The following TTLL5 variants were observed in gnomAD, a reference collection of about 807,000 sequenced individuals.
TTLL5 encodes tubulin polyglutamylase TTLL5.
TTLL5 carries 132 observed loss-of-function variants against 168.4 expected under a neutral mutation model. That is an observed-to-expected ratio of 0.78 (90% confidence interval 0.68 to 0.91). The LOEUF (loss-of-function observed/expected upper bound fraction) is 0.91, where lower values mean the gene tolerates loss of function less well. Among genes scored for constraint, TTLL5 ranks in the 40% least tolerant of loss-of-function variants. The pLI is 0.00. For missense variants in TTLL5, 1,545 were observed against 1,581.5 expected (o/e 0.98, Z 0.39); for synonymous variants, 546 against 558.6 (o/e 0.98, Z 0.32).
chr14:75,696,931 T>G (rs1255743244), intron 6 of TTLL5, among the ~76,000 whole-genome samples: 2 of 152,244 alleles, frequency 1.3e-5, no homozygotes, highest in East Asian at 1.9e-4. Context: ...CTGCTTAATA[T>G]TCCATTGTGT....
intron 19 of TTLL5, among the ~76,000 whole-genome samples, chr14:75,765,087 G>A (rs915743480): frequency 2.0e-5 from 3 of 152,138 alleles, no homozygotes; most frequent in Admixed American, 6.5e-5. Context: ...TTACTGTTCA[G>A]GTTTTTTATA....
At chr14:75,924,338 G>T (rs1420711674) in intron 31 of TTLL5, among the ~76,000 whole-genome samples, 1 of 151,250 alleles carries the variant, frequency 6.6e-6, no homozygotes, top group Non-Finnish European at 1.5e-5. Flanking sequence ...CAGAGGGGGA[G>T]TTGGCAGGGT....
chr14:75,822,191 T>C (rs1171725930), intron 28 of TTLL5, among the ~76,000 whole-genome samples: 1 of 152,220 alleles, frequency 6.6e-6, no homozygotes, highest in Non-Finnish European at 1.5e-5. Flanking sequence ...AGTCACTGTT[T>C]TGTGGATATT....
chr14:75,694,538 T>A (rs1261590356), intron 6 of TTLL5, among the ~76,000 whole-genome samples: 3 of 152,178 alleles, frequency 2.0e-5, no homozygotes, highest in Non-Finnish European at 4.4e-5. Flanking sequence ...TTCACCATGT[T>A]GGCCAGGCTA....
chr14:75,863,548 T>A (rs368468131), intron 28 of TTLL5, 119 bp from the exon 29 acceptor site: 1 of 971,260 alleles, frequency 1.0e-6, no homozygotes. Context: ...CAAGTAGATT[T>A]GTAATTCCAA....
intron 30 of TTLL5, among the ~76,000 whole-genome samples, chr14:75,893,922 A>G (rs1431625436): frequency 6.6e-6 from 1 of 152,044 alleles, no homozygotes; most frequent in Non-Finnish European, 1.5e-5. Context: ...AAGACTGTAT[A>G]GAGATAGAAG....
In TTLL5 at chr14:75,743,575, CTTTTTTTTTTT is replaced by C. The variant is rs33959405; in HGVS notation, c.1282-1506_1282-1496del. Among the ~76,000 whole-genome samples the C allele has an allele frequency of 2.5e-4, 16 of 63,098 alleles. No homozygotes were observed. The Admixed American group carries it at 4.0e-3, about 16-fold the overall frequency. 41.4% of individuals were successfully genotyped at this position (63,098 alleles called of 152,430 possible). ...TGAGATCAAACTCTCTGGCATCGCTCTTTTTTTTTTTTTTTTTTTTTTTTGAGACGGAGTTT... is the reference window on the plus strand; with the variant it reads ...TGAGATCAAACTCTCTGGCATCGCTCTTTTTTTTTTTTTGAGACGGAGTTT... On this transcript the variant is annotated intron_variant, in intron 15 of 31. Coordinates refer to ENST00000298832, the MANE Select transcript of TTLL5 (RefSeq NM_015072.5).
At chr14:75,951,773 T>C (rs951150114) in intron 31 of TTLL5, among the ~76,000 whole-genome samples, 1 of 152,104 alleles carries the variant, frequency 6.6e-6, no homozygotes, top group Non-Finnish European at 1.5e-5. Flanking sequence ...CAAAAAACCA[T>C]AGAATGAAGA....
intron 3 of TTLL5, among the ~76,000 whole-genome samples, chr14:75,672,273 G>A (rs1883806987): frequency 6.6e-6 from 1 of 152,006 alleles, no homozygotes; most frequent in South Asian, 2.1e-4. Flanking sequence ...TTGCGACGGA[G>A]TCTCGCTCTG....
rs754807839 is a variant in TTLL5, at chr14:75,882,870, G to T, written c.3708G>T (p.Val1236=). ...AACCCCCACCCAACCACGAACAAGT[G>T]CTCAGAAGGGCAACATCCCAGAAAG... ...VPKPPPNHEQ[V]LRRATSQKAS... Residue 1236 remains valine, a synonymous_variant, in exon 30 of 32, where the codon GTG becomes GTT. Transcript: ENST00000298832. 1 of 1,614,112 alleles carries T rather than the reference G, an allele frequency of 6.2e-7. No individual in the cohort carries two copies.
At chr14:75,794,448 T>TAAA (rs5809728) in intron 27 of TTLL5, among the ~76,000 whole-genome samples, 15 of 142,036 alleles carry the variant, frequency 1.1e-4, no homozygotes, top group South Asian at 4.6e-4. Context: ...GTGATTGTAG[T>TAAA]AAAAAAAAAA....
chr14:75,712,813 C>T (rs765568891), intron 9 of TTLL5, among the ~76,000 whole-genome samples: 61 of 151,434 alleles, frequency 4.0e-4, no homozygotes, highest in Admixed American at 1.3e-3. Context: ...CATTAGAAAG[C>T]GAAAAGGAAA....
rs551321821 is a variant in TTLL5, at chr14:75,680,815, T to C, written c.182-730T>C. 2.0e-5 allele frequency among the ~76,000 whole-genome samples: 3 copies of C among 151,882 alleles called. No individual in the cohort carries two copies. The South Asian group carries it at 6.2e-4, about 32-fold the overall frequency. On this transcript the variant is annotated intron_variant, in intron 3 of 31. Coordinates refer to ENST00000298832, the MANE Select transcript of TTLL5 (RefSeq NM_015072.5). ...AATTTTTTGTATTTTTAAGTAGAGATGGGGTTTCACAATGTTGGCCAGGCT... is the reference window on the plus strand; with the variant it reads ...AATTTTTTGTATTTTTAAGTAGAGACGGGGTTTCACAATGTTGGCCAGGCT...
At chr14:75,676,288 C>A (rs1381569863) in intron 3 of TTLL5, among the ~76,000 whole-genome samples, 1 of 152,150 alleles carries the variant, frequency 6.6e-6, no homozygotes, top group East Asian at 1.9e-4. Context: ...ATAAAAATAA[C>A]CATCATTACC....
chr14:75,891,389 C>T (rs2032394338), intron 30 of TTLL5, among the ~76,000 whole-genome samples: 1 of 152,160 alleles, frequency 6.6e-6, no homozygotes. Flanking sequence ...CTTTCTATAG[C>T]TCTCTCAAAG....
chr14:75,712,911 G>C (rs747515059), intron 9 of TTLL5, among the ~76,000 whole-genome samples: 3 of 152,150 alleles, frequency 2.0e-5, no homozygotes, highest in Non-Finnish European at 2.9e-5. Flanking sequence ...TAAAAAGGGG[G>C]GAGGGGGCGG....
In TTLL5 at chr14:75,776,807, G is replaced by T; in HGVS notation, c.2344G>T (p.Gly782Trp). 3 of 1,613,936 alleles carry T rather than the reference G, an allele frequency of 1.9e-6. No homozygotes were observed. The highest frequency in any genetic ancestry group is 2.5e-6 in the Non-Finnish European group (3 of 1,179,900). Residue 782 changes from glycine to tryptophan, a missense_variant, in exon 23 of 32, where the codon GGG becomes TGG. Transcript: ENST00000298832. Reference sequence around the variant, plus strand: ...GAAAGTTGAGGAAGAAGAGGAAGATGGGGTGAATATGGAAAACTTTCAGGA... The same window carrying T: ...GAAAGTTGAGGAAGAAGAGGAAGATTGGGTGAATATGGAAAACTTTCAGGA... ...KKKVEEEEED[G>W]VNMENFQEFI...
intron 29 of TTLL5, among the ~76,000 whole-genome samples, chr14:75,868,161 C>G (rs1024006794): frequency 3.9e-5 from 6 of 152,170 alleles, no homozygotes; most frequent in Non-Finnish European, 8.8e-5. Flanking sequence ...AACTTCTGCT[C>G]CCAACCCACT....
At chr14:75,890,178 G>A (rs973148406) in intron 30 of TTLL5, among the ~76,000 whole-genome samples, 1 of 152,166 alleles carries the variant, frequency 6.6e-6, no homozygotes, top group South Asian at 2.1e-4. Flanking sequence ...GCCACACATA[G>A]GGAAGATGCT....
Sources: allele counts gnomAD v4.1 joint callset (sites outside exome capture counted in the v4.1 genomes callset), GRCh38; gene constraint gnomAD v4.1.1; transcripts MANE v1.5; gene names NCBI Gene and HGNC (gene_info 2026-07-23, HGNC 2026-07-21).